CADM2: variants seen among roughly 807,000 people sequenced by gnomAD.
The protein encoded by CADM2 is cell adhesion molecule 2, also known as immunoglobulin superfamily member 4D.
In CADM2, 12 loss-of-function variants were observed where a neutral mutation model predicts 49.8. The observed-to-expected ratio is 0.24, with a 90% CI of 0.15 to 0.39. The LOEUF is 0.39. Among genes scored for constraint, CADM2 ranks in the 10% least tolerant of loss-of-function variants. CADM2 has a pLI of 1.00. For missense variants in CADM2, 378 were observed against 492.3 expected (o/e 0.77, Z 2.20); for synonymous variants, 214 against 175.4 (o/e 1.22, Z -1.74).
chr3:85,130,012 G>A (rs1464451173), intron 1 of CADM2, among the ~76,000 whole-genome samples: 1 of 152,138 alleles, frequency 6.6e-6, no homozygotes, highest in African/African-American at 2.4e-5. Context: ...GGTGTGGATT[G>A]AATTGGAAAG....
At chr3:85,979,798 G>A (rs1255835826) in intron 8 of CADM2, among the ~76,000 whole-genome samples, 1 of 151,540 alleles carries the variant, frequency 6.6e-6, no homozygotes, top group Non-Finnish European at 1.5e-5. Context: ...CAAAATACAT[G>A]TATCCCAAAG....
rs1734771784 is a variant in CADM2 at position 86,033,410 on chromosome 3, C to G, written c.971-32195C>G. 2.0e-5 allele frequency among the ~76,000 whole-genome samples: 3 copies of G among 151,686 alleles called. No individual in the cohort carries two copies. In the Admixed American group the frequency reaches 2.0e-4, roughly 10 times the overall value. Reference sequence around the variant, plus strand: ...TTTTATATATAAGATACCATTATTTCCTCTCAATTGTTGGATTATCAGTGG... The same window carrying G: ...TTTTATATATAAGATACCATTATTTGCTCTCAATTGTTGGATTATCAGTGG... On this transcript the variant is annotated intron_variant, in intron 8 of 9. Coordinates refer to ENST00000383699, the MANE Select transcript of CADM2 (RefSeq NM_001167675.2).
At chr3:85,534,430 G>T (rs1576742295) in intron 1 of CADM2, among the ~76,000 whole-genome samples, 1 of 152,172 alleles carries the variant, frequency 6.6e-6, no homozygotes, top group African/African-American at 2.4e-5. Flanking sequence ...ATCAGAGAAC[G>T]TTCTAAAGGA....
intron 8 of CADM2, among the ~76,000 whole-genome samples, chr3:86,040,146 A>G (rs1455638082): frequency 6.6e-6 from 1 of 152,182 alleles, no homozygotes; most frequent in African/African-American, 2.4e-5. Context: ...AACAGAGCAG[A>G]AAAACTGGAA....
intron 1 of CADM2, among the ~76,000 whole-genome samples, chr3:85,359,741 G>A (rs1348155542): frequency 7.1e-6 from 1 of 140,898 alleles, no homozygotes; most frequent in Admixed American, 7.4e-5. Flanking sequence ...TAGTAAGCAA[G>A]TTGAGAAAAC....
intron 1 of CADM2, among the ~76,000 whole-genome samples, chr3:85,416,865 A>G (rs1481508119): frequency 5.3e-5 from 8 of 152,196 alleles, no homozygotes; most frequent in Non-Finnish European, 8.8e-5. Flanking sequence ...GAAAAGTCCT[A>G]TATCTCTGTC....
intron 3 of CADM2, among the ~76,000 whole-genome samples, chr3:85,846,567 A>G (rs2074889762): frequency 1.3e-5 from 2 of 152,304 alleles, no homozygotes; most frequent in South Asian, 4.1e-4. Context: ...CAAAAATTAA[A>G]ATATATTTCA....
chr3:85,509,521 C>T (rs1182340755), intron 1 of CADM2, among the ~76,000 whole-genome samples: 1 of 152,074 alleles, frequency 6.6e-6, no homozygotes, highest in Admixed American at 6.6e-5. Flanking sequence ...ACATGTTTAA[C>T]AGATTCAAGT....
chr3:85,864,901 T>C (rs1170820437), intron 3 of CADM2, among the ~76,000 whole-genome samples: 3 of 152,204 alleles, frequency 2.0e-5, no homozygotes, highest in Non-Finnish European at 4.4e-5. Context: ...TCCTTTTTAT[T>C]CCAACTCTCA....
chr3:85,884,899 T>G (rs1236876631), intron 4 of CADM2, among the ~76,000 whole-genome samples: 2 of 150,634 alleles, frequency 1.3e-5, no homozygotes, highest in African/African-American at 2.4e-5. Flanking sequence ...TAATTTTTTT[T>G]TTTTTTTTGT....
chr3:85,801,944 T>C, intron 2 of CADM2, 103 bp from the exon 3 acceptor site: 1 of 963,124 alleles, frequency 1.0e-6, no homozygotes, highest in Non-Finnish European at 1.5e-6. Flanking sequence ...TTTGGTTGTT[T>C]TAAATTTTAT....
At chr3:85,732,384 C>A (rs535617700) in intron 2 of CADM2, among the ~76,000 whole-genome samples, 7 of 152,214 alleles carry the variant, frequency 4.6e-5, no homozygotes, top group African/African-American at 1.7e-4. Context: ...CAAGACTGAT[C>A]TAAGGAAATA....
At chr3:85,767,079 T>C (rs2069693346) in intron 2 of CADM2, among the ~76,000 whole-genome samples, 2 of 152,192 alleles carry the variant, frequency 1.3e-5, no homozygotes, top group Admixed American at 1.3e-4. Context: ...CAATACACTT[T>C]ACCCAAATGA....
chr3:85,872,467 C>A (rs1444112973), intron 3 of CADM2, among the ~76,000 whole-genome samples: 1 of 151,066 alleles, frequency 6.6e-6, no homozygotes, highest in Non-Finnish European at 1.5e-5. Flanking sequence ...TGGAACATTT[C>A]TTATGTGAAT....
At chr3:85,298,108 A>G (rs1301191979) in intron 1 of CADM2, among the ~76,000 whole-genome samples, 1 of 152,064 alleles carries the variant, frequency 6.6e-6, no homozygotes, top group Non-Finnish European at 1.5e-5. Flanking sequence ...TGCTGTGGAT[A>G]TATTTCCTCT....
In CADM2 at chr3:86,070,493, T is replaced by G. The variant is rs564637203; in HGVS notation, c.*3710T>G. On this transcript the variant is annotated 3_prime_UTR_variant, in exon 10 of 10. Coordinates refer to ENST00000383699, the MANE Select transcript of CADM2 (RefSeq NM_001167675.2). ...ACAACAAATATTAAATTTTACATTA[T>G]GCTTTTTAATTGTGGAGAAAATGCA... 6.6e-6 allele frequency: 1 copy of G among 152,108 alleles called. No individual in the cohort carries two copies. The highest frequency in any genetic ancestry group is 2.4e-5 in the African/African-American group (1 of 41,564). 9.4% of individuals were successfully genotyped at this position (152,108 alleles called of 1,614,324 possible).
intron 1 of CADM2, among the ~76,000 whole-genome samples, chr3:84,979,496 G>A (rs1236970751): frequency 6.6e-6 from 1 of 152,036 alleles, no homozygotes; most frequent in Admixed American, 6.6e-5. Flanking sequence ...GATAACTAGA[G>A]TTATTGAGTA....
chr3:86,049,826 C>G (rs1197726389), intron 8 of CADM2, among the ~76,000 whole-genome samples: 2 of 152,144 alleles, frequency 1.3e-5, no homozygotes, highest in African/African-American at 4.8e-5. Context: ...TGAGAAACTG[C>G]TCCCATGATC....
At chr3:85,153,853 C>A (rs1284170270) in intron 1 of CADM2, among the ~76,000 whole-genome samples, 2 of 152,138 alleles carry the variant, frequency 1.3e-5, no homozygotes, top group African/African-American at 4.8e-5. Flanking sequence ...TGGCCTGGTA[C>A]TCCAACAGAC....
Sources: allele counts gnomAD v4.1 joint callset (sites outside exome capture counted in the v4.1 genomes callset), GRCh38; gene constraint gnomAD v4.1.1; transcripts MANE v1.5; gene names NCBI Gene and HGNC (gene_info 2026-07-23, HGNC 2026-07-21).